The following TAFA2 variants were observed in gnomAD, a reference collection of about 807,000 sequenced individuals.
The protein encoded by TAFA2 is TAFA chemokine like family member 2.
Under a neutral mutation model 18.8 loss-of-function variants are expected in TAFA2, and 7 were observed. The observed-to-expected ratio is 0.37, with a 90% CI of 0.21 to 0.70. The LOEUF is 0.70. Ranked by LOEUF, TAFA2 falls within the 30% of genes least tolerant of loss-of-function variation. The pLI, the probability that TAFA2 is intolerant of heterozygous loss-of-function variation, is 0.53. For missense variants in TAFA2, 122 were observed against 158.1 expected (o/e 0.77, Z 1.23); for synonymous variants, 60 against 54.2 (o/e 1.11, Z -0.47).
chr12:62,235,875 C>T (rs1045885419), intron 1 of TAFA2, among the ~76,000 whole-genome samples: 5 of 151,828 alleles, frequency 3.3e-5, no homozygotes, highest in African/African-American at 7.3e-5. Context: ...TGGCACTGCA[C>T]CCAGCCTATT....
In TAFA2 at chr12:62,168,408, G is replaced by C. The variant is rs189513400; in HGVS notation, c.-2+22851C>G. On this transcript the variant is annotated intron_variant, in intron 1 of 4. Coordinates refer to ENST00000416284, the MANE Select transcript of TAFA2 (RefSeq NM_178539.5). ...TTAACCAAAACAGAGAACAAATAAA[G>C]AGGTTAAAAACATGGCAAAGATTCA... is the stretch of plus-strand genomic sequence containing the variant. 1.0e-3 allele frequency among the ~76,000 whole-genome samples: 154 copies of C among 152,252 alleles called. 1 individual carries two copies. Among genetic ancestry groups the C allele is most frequent in the African/African-American group, 3.5e-3 (146 of 41,558 alleles).
intron 1 of TAFA2, among the ~76,000 whole-genome samples, chr12:62,038,880 T>G (rs1277663738): frequency 6.6e-6 from 1 of 152,204 alleles, no homozygotes; most frequent in Non-Finnish European, 1.5e-5. Context: ...TTATACATGA[T>G]AGTCATAAAA....
intron 1 of TAFA2, among the ~76,000 whole-genome samples, chr12:62,016,014 A>G (rs866908900): frequency 5.7e-4 from 86 of 152,032 alleles, no homozygotes; most frequent in Non-Finnish European, 1.8e-4. Flanking sequence ...ACCAAATTGT[A>G]CACTGAAAAA....
intron 1 of TAFA2, among the ~76,000 whole-genome samples, chr12:62,025,090 C>A (rs773658401): frequency 4.6e-5 from 7 of 152,160 alleles, no homozygotes; most frequent in Non-Finnish European, 7.4e-5. Flanking sequence ...ACCCAGCAAT[C>A]CTAATTCTCT....
chr12:61,997,386 C>G (rs1396898087), intron 1 of TAFA2, among the ~76,000 whole-genome samples: 1 of 152,042 alleles, frequency 6.6e-6, no homozygotes, highest in African/African-American at 2.4e-5. Context: ...AGGGTAAAGA[C>G]CTGCTATTAG....
At chr12:62,152,371 T>C (rs961130331) in intron 1 of TAFA2, among the ~76,000 whole-genome samples, 1 of 152,120 alleles carries the variant, frequency 6.6e-6, no homozygotes, top group African/African-American at 2.4e-5. Flanking sequence ...ATTCCCAAAA[T>C]TCAGAAATTC....
rs1555178826 is a variant in TAFA2, at chr12:61,955,653, A to ATATATATATG, written c.-1-88228_-1-88227insCATATATATA. On this transcript the variant is annotated intron_variant, in intron 1 of 4. Coordinates refer to ENST00000416284, the MANE Select transcript of TAFA2 (RefSeq NM_178539.5). ...AAAAAATATATATATATATATATAT[A>ATATATATATG]TATATATATATATATATTTAATTTT... Among the ~76,000 whole-genome samples the ATATATATATG allele has an allele frequency of 1.7e-4, 18 of 103,520 alleles. 1 individual carries two copies. Among genetic ancestry groups the ATATATATATG allele is most frequent in the African/African-American group, 5.9e-4 (18 of 30,700 alleles). 67.9% of individuals were successfully genotyped at this position (103,520 alleles called of 152,430 possible).
chr12:61,715,526 T>G (rs1184239666), intron 4 of TAFA2, among the ~76,000 whole-genome samples: 1 of 151,276 alleles, frequency 6.6e-6, no homozygotes, highest in African/African-American at 2.4e-5. Context: ...TTTTTTTGTA[T>G]TTTTTTTAGT....
intron 1 of TAFA2, among the ~76,000 whole-genome samples, chr12:62,101,024 T>C (rs532590024): frequency 6.6e-6 from 1 of 152,252 alleles, no homozygotes; most frequent in South Asian, 2.1e-4. Context: ...AACATACCCA[T>C]ACTTGCAGAC....
In TAFA2 at chr12:61,908,443, C is replaced by T. The variant is rs530091293; in HGVS notation, c.-1-41017G>A. ...ACTTTGCTCCTCCTTCACCTGCAGC[C>T]GTGATTATGAGGCCTCCCCAGCCAT... On this transcript the variant is annotated intron_variant, in intron 1 of 4. Transcript: ENST00000416284. Among the ~76,000 whole-genome samples the T allele has an allele frequency of 1.2e-3, 188 of 152,106 alleles. 1 individual carries two copies. Among genetic ancestry groups the T allele is most frequent in the Non-Finnish European group, 2.4e-3 (166 of 67,984 alleles).
intron 2 of TAFA2, among the ~76,000 whole-genome samples, chr12:61,832,151 T>C (rs1872744243): frequency 6.6e-6 from 1 of 152,032 alleles, no homozygotes; most frequent in Non-Finnish European, 1.5e-5. Flanking sequence ...CTTTCTTAGA[T>C]CAGTGCTGCC....
intron 1 of TAFA2, among the ~76,000 whole-genome samples, chr12:61,886,361 G>C (rs115769312): frequency 1.3e-5 from 2 of 151,900 alleles, no homozygotes; most frequent in African/African-American, 4.8e-5. Flanking sequence ...CTTTGTTCTC[G>C]CTACCACCCC....
At chr12:62,124,186 G>C (rs1238246255) in intron 1 of TAFA2, among the ~76,000 whole-genome samples, 1 of 150,994 alleles carries the variant, frequency 6.6e-6, no homozygotes, top group Non-Finnish European at 1.5e-5. Flanking sequence ...AAACTGTACA[G>C]AAAAAAAAGC....
chr12:61,954,468 A>T (rs891008953), intron 1 of TAFA2, among the ~76,000 whole-genome samples: 19 of 152,260 alleles, frequency 1.2e-4, no homozygotes, highest in African/African-American at 4.1e-4. Flanking sequence ...AACAAGAGTC[A>T]TCTCATTCAT....
chr12:62,166,903 A>G (rs150260845), intron 1 of TAFA2, among the ~76,000 whole-genome samples: 286 of 152,314 alleles, frequency 1.9e-3, no homozygotes, highest in Non-Finnish European at 3.6e-3. Context: ...CTCTATTCAA[A>G]TCATTTCAGC....
intron 1 of TAFA2, among the ~76,000 whole-genome samples, chr12:61,961,681 C>T (rs1443436699): frequency 6.6e-6 from 1 of 152,044 alleles, no homozygotes; most frequent in East Asian, 1.9e-4. Context: ...CAACTCCAGA[C>T]CTGAAGCTAT....
intron 1 of TAFA2, among the ~76,000 whole-genome samples, chr12:62,124,470 A>G (rs534774931): frequency 6.6e-6 from 1 of 152,282 alleles, no homozygotes; most frequent in Admixed American, 6.5e-5. Flanking sequence ...CACATTTACT[A>G]AGGATAACAG....
chr12:62,152,615 CA>C (rs1224005710), intron 1 of TAFA2, among the ~76,000 whole-genome samples: 1 of 152,132 alleles, frequency 6.6e-6, no homozygotes, highest in Non-Finnish European at 1.5e-5. Context: ...TTCCAAAATT[CA>C]GGGTCACTCT....
intron 1 of TAFA2, among the ~76,000 whole-genome samples, chr12:61,970,128 T>C (rs910524764): frequency 2.0e-5 from 3 of 151,586 alleles, no homozygotes; most frequent in Non-Finnish European, 4.4e-5. Context: ...TTCTTTAAAA[T>C]ATATAAATTG....
Sources: allele counts gnomAD v4.1 joint callset (sites outside exome capture counted in the v4.1 genomes callset), GRCh38; gene constraint gnomAD v4.1.1; transcripts MANE v1.5; gene names NCBI Gene and HGNC (gene_info 2026-07-23, HGNC 2026-07-21).